DENND2D: variants seen among roughly 807,000 people sequenced by gnomAD.
DENND2D encodes DENN domain-containing protein 2D.
In DENND2D, 37 loss-of-function variants were observed where a neutral mutation model predicts 59.8. The ratio of observed to expected loss-of-function variants is 0.62; its 90% CI spans 0.48 to 0.81. The LOEUF (loss-of-function observed/expected upper bound fraction) is 0.81. Among genes scored for constraint, DENND2D ranks in the 40% least tolerant of loss-of-function variants. The pLI is 0.00. For synonymous variants in DENND2D, 219 were observed against 211.3 expected (o/e 1.04, Z -0.31); for missense variants, 525 against 579.7 (o/e 0.91, Z 0.97).
chr1:111,190,098 A>C (rs1657612200), intron 8 of DENND2D, among the ~76,000 whole-genome samples: 1 of 145,586 alleles, frequency 6.9e-6, no homozygotes, highest in South Asian at 2.2e-4. Flanking sequence ...CGGGAGGCGG[A>C]GCTTGCGGTG....
Position 111,189,203 on chromosome 1 carries a change from G to C in DENND2D, c.1014+9C>G. 3.7e-6 allele frequency: 6 copies of C among 1,614,140 alleles called. No homozygotes were observed. The highest frequency in any genetic ancestry group is 5.1e-6 in the Non-Finnish European group (6 of 1,179,994). On this transcript the variant is annotated intron_variant, in intron 9 of 11. Coordinates refer to ENST00000357640, the MANE Select transcript of DENND2D (RefSeq NM_024901.5). ...TAGGCCTGCAGGGGATCTGAACCCA[G>C]ACACTTACCGACATTAAGAAGGTTC...
chr1:111,188,666 T>C, intron 10 of DENND2D, 36 bp downstream of exon 10: 1 of 1,563,896 alleles, frequency 6.4e-7, no homozygotes, highest in Non-Finnish European at 8.8e-7. Context: ...GCCCTTGCAC[T>C]GCCTGGAGAG....
chr1:111,189,662 T>C (rs903370469), intron 8 of DENND2D, among the ~76,000 whole-genome samples: 2 of 152,326 alleles, frequency 1.3e-5, no homozygotes, highest in South Asian at 2.1e-4. Context: ...AATCTCCATT[T>C]TGAAGATGAG....
At chr1:111,198,492 T>C (rs755456471) in intron 3 of DENND2D, 138 bp downstream of exon 3, 3 of 793,102 alleles carry the variant, frequency 3.8e-6, no homozygotes, top group South Asian at 3.3e-5. Context: ...CCAGGCCAGA[T>C]GTTTTCAAAC....
intron 2 of DENND2D, among the ~76,000 whole-genome samples, chr1:111,198,944 G>T (rs1658525327): frequency 1.3e-5 from 2 of 152,190 alleles, no homozygotes. Context: ...CTCCAAAGCT[G>T]AAACAGCCCC....
intron 1 of DENND2D, chr1:111,200,028 T>C (rs1350684198): frequency 1.6e-6 from 1 of 607,574 alleles, no homozygotes; most frequent in Non-Finnish European, 2.8e-6. Context: ...AAGAAACCAC[T>C]GACACAGAAG....
Position 111,199,697 on chromosome 1 carries a change from G to A in DENND2D, c.169C>T (p.Leu57Phe). 1 of 1,614,182 alleles carries A rather than the reference G, an allele frequency of 6.2e-7. No individual in the cohort carries two copies. The highest frequency in any genetic ancestry group is 8.5e-7 in the Non-Finnish European group (1 of 1,180,030). Residue 57 changes from leucine to phenylalanine, a missense_variant, in exon 2 of 12, where the codon CTT (leucine) becomes TTT (phenylalanine). This residue lies in a region of DENND2D where 253 missense variants were observed against 246.4 expected (regional missense o/e 1.03). Transcript: ENST00000357640. Reference sequence around the variant, plus strand: ...TTCTTTTTGAGAGAAACCACAAGAAGGTATTCAAAGAAGTGCTGCCCCCCA... The same window carrying A: ...TTCTTTTTGAGAGAAACCACAAGAAAGTATTCAAAGAAGTGCTGCCCCCCA... ...FAGGQHFFEY[L>F]LVVSLKKKRS...
chr1:111,197,797 T>TG, intron 4 of DENND2D, 123 bp downstream of exon 4: 2 of 1,514,944 alleles, frequency 1.3e-6, no homozygotes, highest in South Asian at 1.3e-5. Context: ...GGTCCTGGGC[T>TG]GTGCTTTTTC....
chr1:111,189,901 A>G (rs1321512780), intron 8 of DENND2D, among the ~76,000 whole-genome samples: 1 of 152,164 alleles, frequency 6.6e-6, no homozygotes, highest in Non-Finnish European at 1.5e-5. Flanking sequence ...GTGGTGGCTC[A>G]CGCCTGTAAT....
At chr1:111,195,765 T>C (rs1293403513) in intron 6 of DENND2D, 151 bp downstream of exon 6, 1 of 1,133,084 alleles carries the variant, frequency 8.8e-7, no homozygotes, top group Non-Finnish European at 1.3e-6. Flanking sequence ...TGGGTTTGAT[T>C]TCAGCTTTGT....
upstream of DENND2D, among the ~76,000 whole-genome samples, chr1:111,203,039 T>C (rs1053444793): frequency 2.6e-5 from 4 of 152,304 alleles, no homozygotes; most frequent in East Asian, 7.7e-4. Context: ...GCCAGTGCTC[T>C]CCAGAGAAGA....
chr1:111,197,923 G>A lies in DENND2D; in HGVS notation c.423C>T (p.Leu141=), dbSNP rs138150942. ...GSRKIGYCRR[L]LPAGPGPRLP... is the part of the protein sequence containing the mutation. ...GGCAGTTCTGAGCTGCACAGACCAAGAGGCGCCTGCAGTATCCAATCTTTC... is the reference window on the plus strand; with the variant it reads ...GGCAGTTCTGAGCTGCACAGACCAAAAGGCGCCTGCAGTATCCAATCTTTC... The change falls in exon 4 of 12, where the codon CTC becomes CTT. Residue 141 remains leucine, a synonymous_variant. Coordinates refer to ENST00000357640, the MANE Select transcript of DENND2D (RefSeq NM_024901.5). 4 of 1,613,832 alleles carry A rather than the reference G, an allele frequency of 2.5e-6. No individual in the cohort carries two copies. In the African/African-American group the frequency reaches 4.0e-5, roughly 16 times the overall value.
upstream of DENND2D, among the ~76,000 whole-genome samples, chr1:111,203,079 T>G (rs929396021): frequency 6.6e-6 from 1 of 152,152 alleles, no homozygotes; most frequent in Non-Finnish European, 1.5e-5. Flanking sequence ...TGCCTTCTGC[T>G]CCCACCACTG....
intron 1 of DENND2D, chr1:111,200,077 G>A: frequency 1.8e-6 from 1 of 556,834 alleles, no homozygotes; most frequent in Non-Finnish European, 3.2e-6. Flanking sequence ...GGAGGCCAAG[G>A]CCCCAGGGTA....
At chr1:111,200,728 A>G, upstream of DENND2D, 1 of 1,257,484 alleles carries the variant, frequency 8.0e-7, no homozygotes. Context: ...AGCTCCTCCC[A>G]AGAGCCCCAG....
chr1:111,199,022 G>C (rs752873208), intron 2 of DENND2D, among the ~76,000 whole-genome samples: 1 of 152,340 alleles, frequency 6.6e-6, no homozygotes, highest in Middle Eastern at 3.4e-3. Flanking sequence ...AAGGGGACAG[G>C]GCCATGTTGA....
At position 111,197,371 on chromosome 1, in the gene DENND2D, G is replaced by A. The variant is rs1658343333; in HGVS notation, c.427-118C>T. The A allele has an allele frequency of 2.7e-6, 4 of 1,499,836 alleles. 1 individual carries two copies. The highest frequency in any genetic ancestry group is 2.7e-6 in the Non-Finnish European group (3 of 1,125,846). 92.9% of individuals were successfully genotyped at this position (1,499,836 alleles called of 1,614,324 possible). ...GAGGGGGATTTATGGGGAATGGTGGGTGCAGCAGGGAGGTCAGAATGGCCA... is the reference window on the plus strand; with the variant it reads ...GAGGGGGATTTATGGGGAATGGTGGATGCAGCAGGGAGGTCAGAATGGCCA... On this transcript the variant is annotated intron_variant, in intron 4 of 11. Transcript: ENST00000357640.
At chr1:111,197,871 G>C in intron 4 of DENND2D, 49 bp downstream of exon 4, 1 of 1,612,034 alleles carries the variant, frequency 6.2e-7, no homozygotes, top group East Asian at 2.2e-5. Context: ...CCCAGCCGTG[G>C]AGCTGAGCAG....
At position 111,200,528 on chromosome 1, in the gene DENND2D, GA is replaced by G; in HGVS notation, c.-70del. The G allele has an allele frequency of 6.4e-7, 1 of 1,550,578 alleles. No individual in the cohort carries two copies. Among genetic ancestry groups the G allele is most frequent in the Non-Finnish European group, 8.7e-7 (1 of 1,146,654 alleles). ...CAGACAGACTGGTGACAGTAAGCCT[GA>G]GAAAGGGGCTGCTTCGGTCTCCAGC... is the stretch of plus-strand genomic sequence containing the variant. On this transcript the variant is annotated 5_prime_UTR_variant, in exon 1 of 12. It removes the in-frame stop codon of an upstream open reading frame in the 5' UTR. Transcript: ENST00000357640.
Sources: gnomAD v4.1 joint callset for allele counts (sites outside exome capture counted in the v4.1 genomes callset) on GRCh38, gnomAD v4.1.1 for gene constraint, gnomAD v4.1.1 regional missense constraint, MANE v1.5 for transcripts, NCBI Gene and HGNC (gene_info 2026-07-23, HGNC 2026-07-21) for gene names.